Variants in PTPRE observed in about 807,000 individuals in gnomAD.
PTPRE encodes protein tyrosine phosphatase receptor type E.
PTPRE carries 51 observed loss-of-function variants against 102.0 expected under a neutral mutation model. The observed-to-expected ratio is 0.50, with a 90% CI of 0.40 to 0.63. PTPRE has a LOEUF of 0.63. Among genes scored for constraint, PTPRE ranks in the 30% least tolerant of loss-of-function variants. PTPRE has a pLI of 0.00. For synonymous variants in PTPRE, 345 were observed against 348.2 expected (o/e 0.99, Z 0.10); for missense variants, 752 against 915.1 (o/e 0.82, Z 2.30).
chr10:127,941,485 T>G (rs1010606639), intron 1 of PTPRE, among the ~76,000 whole-genome samples: 1 of 152,234 alleles, frequency 6.6e-6, no homozygotes, highest in African/African-American at 2.4e-5. Context: ...CTGCTCAGGC[T>G]CAGCCCGCTG....
chr10:127,940,011 T>C (rs1589784983), intron 1 of PTPRE, among the ~76,000 whole-genome samples: 1 of 139,322 alleles, frequency 7.2e-6, no homozygotes, highest in African/African-American at 2.8e-5. Flanking sequence ...AAGAGGCAGG[T>C]GCAGGCAGGT....
At chr10:127,919,680 T>C (rs1846454496) in intron 1 of PTPRE, among the ~76,000 whole-genome samples, 2 of 152,242 alleles carry the variant, frequency 1.3e-5, no homozygotes, top group African/African-American at 2.4e-5. Context: ...TATGACTTCA[T>C]TACTGTGCAT....
At chr10:127,988,855 G>A (rs981362531) in intron 2 of PTPRE, among the ~76,000 whole-genome samples, 1 of 152,296 alleles carries the variant, frequency 6.6e-6, no homozygotes, top group East Asian at 1.9e-4. Flanking sequence ...TGCTTATTAT[G>A]TTGCAGAGTT....
At chr10:127,931,763 A>G (rs3824761) in intron 1 of PTPRE, among the ~76,000 whole-genome samples, 56,787 of 152,058 alleles carry the variant, frequency 0.37, 11,470 homozygotes, top group African/African-American at 0.53. Flanking sequence ...CAGGACAAAA[A>G]TCTGATTGTG....
chr10:128,027,814 G>A (rs954667373), intron 2 of PTPRE, among the ~76,000 whole-genome samples: 114 of 152,190 alleles, frequency 7.5e-4, no homozygotes, highest in African/African-American at 2.5e-3. Context: ...TAAATGAACC[G>A]AGAGAGACCC....
intron 3 of PTPRE, among the ~76,000 whole-genome samples, chr10:128,045,429 C>T (rs1848012072): frequency 6.6e-6 from 1 of 152,194 alleles, no homozygotes; most frequent in Non-Finnish European, 1.5e-5. Context: ...AGAAGCTGAG[C>T]CCAGAGCCTG....
intron 2 of PTPRE, among the ~76,000 whole-genome samples, chr10:128,002,925 C>A: frequency 6.6e-6 from 1 of 152,074 alleles, no homozygotes; most frequent in Non-Finnish European, 1.5e-5. Flanking sequence ...GAACTCCTGG[C>A]TCAAGTGATC....
intron 1 of PTPRE, among the ~76,000 whole-genome samples, chr10:127,938,913 G>T (rs1219893460): frequency 6.6e-6 from 1 of 152,138 alleles, no homozygotes; most frequent in East Asian, 1.9e-4. Flanking sequence ...AATCAGTTTG[G>T]ATGTGTGTTA....
chr10:128,081,075 A>G (rs1409039361), intron 20 of PTPRE, among the ~76,000 whole-genome samples: 1 of 152,256 alleles, frequency 6.6e-6, no homozygotes, highest in Non-Finnish European at 1.5e-5. Flanking sequence ...TTCAAACTCT[A>G]TCTGATTCCA....
chr10:127,983,536 C>T (rs114781813), intron 2 of PTPRE, among the ~76,000 whole-genome samples: 18 of 152,202 alleles, frequency 1.2e-4, no homozygotes, highest in African/African-American at 2.9e-4. Flanking sequence ...GTTGGCTGGT[C>T]GATACTGGTT....
chr10:127,975,239 G>C lies in PTPRE; in HGVS notation c.-30-7035G>C, dbSNP rs78863075. On this transcript the variant is annotated intron_variant, in intron 1 of 20. Coordinates refer to ENST00000254667, the MANE Select transcript of PTPRE (RefSeq NM_006504.6). The stretch of plus-strand genomic sequence containing the variant: ...AGCGGCCTCTAGAAGGTGGATCACC[G>C]TGGTGTCTGCCCGACTTGATGCTCT... Among the ~76,000 whole-genome samples the C allele has an allele frequency of 5.8e-4, 88 of 152,306 alleles. No individual in the cohort carries two copies. The East Asian group carries it at 9.1e-3, about 16-fold the overall frequency.
intron 2 of PTPRE, among the ~76,000 whole-genome samples, chr10:128,030,626 G>A (rs1846664373): frequency 6.6e-6 from 1 of 152,204 alleles, no homozygotes; most frequent in African/African-American, 2.4e-5. Context: ...GAAGGCACCA[G>A]GGTAGAGACC....
intron 1 of PTPRE, among the ~76,000 whole-genome samples, chr10:127,967,074 G>A (rs1850311545): frequency 1.3e-5 from 2 of 152,176 alleles, no homozygotes; most frequent in African/African-American, 2.4e-5. Flanking sequence ...TCTGCCATCC[G>A]GTAAGTCTCT....
chr10:127,929,366 G>A (rs1005352751), intron 1 of PTPRE: 1 of 152,150 alleles, frequency 6.6e-6, no homozygotes, highest in African/African-American at 2.4e-5. Flanking sequence ...AAATTACTTG[G>A]AAGTGTGAGT....
rs11818165 is a variant in PTPRE at position 127,992,380 on chromosome 10, T to C, written c.-8+10084T>C. 9.5e-3 allele frequency among the ~76,000 whole-genome samples: 1,443 copies of C among 152,200 alleles called. 31 individuals are homozygous for C. Among genetic ancestry groups the C allele is most frequent in the African/African-American group, 0.033 (1,380 of 41,534 alleles). ...GGCTCTAGGGTTCTCGCCATCCAGGTTGGGCCCTCAGAAGAAACTGAAAAG... is the reference window on the plus strand; with the variant it reads ...GGCTCTAGGGTTCTCGCCATCCAGGCTGGGCCCTCAGAAGAAACTGAAAAG... On this transcript the variant is annotated intron_variant, in intron 2 of 20. Coordinates refer to ENST00000254667, the MANE Select transcript of PTPRE (RefSeq NM_006504.6).
chr10:128,017,062 C>T (rs756527478), intron 2 of PTPRE, among the ~76,000 whole-genome samples: 13 of 152,088 alleles, frequency 8.5e-5, no homozygotes, highest in East Asian at 1.9e-4. Flanking sequence ...CTGCTGTATG[C>T]GAGTCAGACT....
chr10:127,916,652 C>G (rs746563684), intron 1 of PTPRE, among the ~76,000 whole-genome samples: 2 of 152,096 alleles, frequency 1.3e-5, no homozygotes, highest in Non-Finnish European at 2.9e-5. Flanking sequence ...TGTGTCCTGT[C>G]TGGGGAAGAG....
At chr10:128,017,807 GGGT>G (rs1226359847) in intron 2 of PTPRE, among the ~76,000 whole-genome samples, 195 of 152,278 alleles carry the variant, frequency 1.3e-3, no homozygotes, top group African/African-American at 4.6e-3. Context: ...GCAGTTAGAG[GGGT>G]CAGGCTGGAG....
intron 3 of PTPRE, among the ~76,000 whole-genome samples, chr10:128,045,731 T>A (rs149859239): frequency 4.2e-4 from 64 of 152,314 alleles, no homozygotes; most frequent in African/African-American, 1.4e-3. Context: ...GCCAGCTCAC[T>A]TCCCCAGGGA....
Sources: allele counts gnomAD v4.1 joint callset (sites outside exome capture counted in the v4.1 genomes callset), GRCh38; gene constraint gnomAD v4.1.1; transcripts MANE v1.5; gene names NCBI Gene and HGNC (gene_info 2026-07-23, HGNC 2026-07-21).